ERC2: variants seen among roughly 807,000 people sequenced by gnomAD.
ERC2 encodes ERC protein 2.
A neutral mutation model predicts 114.8 loss-of-function variants in ERC2; 42 were observed. That is an observed-to-expected ratio of 0.37 (90% CI 0.29 to 0.47). ERC2 has a LOEUF of 0.47. ERC2 is among the 20% of genes least tolerant of loss of function. The pLI, the probability that ERC2 is intolerant of heterozygous loss-of-function variation, is 0.99. For missense variants in ERC2, 939 were observed against 1,150.7 expected, an observed-to-expected ratio of 0.82 and a Z score of 2.66; for synonymous variants, 454 against 425.5, an observed-to-expected ratio of 1.07 and a Z score of -0.82.
chr3:55,922,789 A>G (rs1017353557), intron 13 of ERC2, among the ~76,000 whole-genome samples: 4 of 152,170 alleles, frequency 2.6e-5, no homozygotes, highest in Non-Finnish European at 5.9e-5. Context: ...GCTCTCAAAA[A>G]AAGGAAACAC....
intron 12 of ERC2, among the ~76,000 whole-genome samples, chr3:55,979,916 C>T (rs1386923499): frequency 6.6e-6 from 1 of 151,168 alleles, no homozygotes. Flanking sequence ...GTACTCCAGT[C>T]TGGGAAACAG....
intron 7 of ERC2, among the ~76,000 whole-genome samples, chr3:56,067,230 T>C (rs2076525397): frequency 6.6e-6 from 1 of 152,214 alleles, no homozygotes; most frequent in Non-Finnish European, 1.5e-5. Flanking sequence ...TCTTATTTCC[T>C]TGAGCAGTGG....
chr3:56,044,562 T>C (rs1424621131), intron 7 of ERC2, among the ~76,000 whole-genome samples: 3 of 152,080 alleles, frequency 2.0e-5, no homozygotes, highest in African/African-American at 7.2e-5. Context: ...GGGGGGAAAA[T>C]TGTAGCACTT....
intron 5 of ERC2, among the ~76,000 whole-genome samples, chr3:56,146,007 C>G (rs1010615253): frequency 6.6e-6 from 1 of 152,132 alleles, no homozygotes; most frequent in Non-Finnish European, 1.5e-5. Flanking sequence ...TAGAATTGGG[C>G]TGGGTGTGGT....
At chr3:55,785,270 A>T (rs746856479) in intron 14 of ERC2, among the ~76,000 whole-genome samples, 1 of 152,218 alleles carries the variant, frequency 6.6e-6, no homozygotes, top group Admixed American at 6.5e-5. Context: ...TGAGACGGCA[A>T]ATATGGGTTT....
chr3:56,408,428 A>G (rs1308803289), intron 2 of ERC2, among the ~76,000 whole-genome samples: 1 of 152,130 alleles, frequency 6.6e-6, no homozygotes, highest in Admixed American at 6.5e-5. Flanking sequence ...GGAGATAGGC[A>G]TAATGTGGGA....
rs2316113 is a variant in ERC2 at position 55,870,228 on chromosome 3, C to T, written c.2564+18161G>A. On this transcript the variant is annotated intron_variant, in intron 14 of 17. Transcript: ENST00000288221. ...TAGCTGGGACCACAGACGCCCGTCA[C>T]CACGCCTGGCTAATTTTTAGATTTT... is the stretch of plus-strand genomic sequence containing the variant. Among the ~76,000 whole-genome samples, 695 of 152,218 alleles carry T rather than the reference C, an allele frequency of 4.6e-3. 5 individuals are homozygous for T. The highest frequency in any genetic ancestry group is 0.016 in the African/African-American group (669 of 41,540).
rs540483182 is a variant in ERC2, at chr3:56,085,992, G to A, written c.1474-5008C>T. The stretch of plus-strand genomic sequence containing the variant: ...AATATGGGAGGTAGTGAGTGGTGCT[G>A]GAGAGAGTTTAGAAAAAGACACTCT... On this transcript the variant is annotated intron_variant, in intron 6 of 17. Transcript: ENST00000288221. Among the ~76,000 whole-genome samples, 5 of 152,244 alleles carry A rather than the reference G, an allele frequency of 3.3e-5. No homozygotes were observed. In the East Asian group the frequency reaches 7.7e-4, roughly 24 times the overall value.
intron 3 of ERC2, among the ~76,000 whole-genome samples, chr3:56,226,399 A>C (rs1319953821): frequency 1.3e-5 from 2 of 152,150 alleles, no homozygotes; most frequent in African/African-American, 4.8e-5. Flanking sequence ...AGTTGTACAA[A>C]ATTAAAAGTG....
intron 13 of ERC2, among the ~76,000 whole-genome samples, chr3:55,909,943 AT>A (rs1226691175): frequency 1.3e-5 from 2 of 152,178 alleles, no homozygotes; most frequent in East Asian, 3.8e-4. Flanking sequence ...AGAAGGCCTC[AT>A]TTGTTTGAGG....
At chr3:56,316,852 C>T (rs547987248) in intron 2 of ERC2, among the ~76,000 whole-genome samples, 9 of 152,144 alleles carry the variant, frequency 5.9e-5, no homozygotes, top group Non-Finnish European at 1.3e-4. Flanking sequence ...ATCTATCAGC[C>T]ATTATGCTAC....
intron 2 of ERC2, among the ~76,000 whole-genome samples, chr3:56,377,959 T>C (rs889118171): frequency 3.3e-5 from 5 of 152,158 alleles, no homozygotes; most frequent in African/African-American, 9.7e-5. Flanking sequence ...AGATTTTGCA[T>C]GCATGTATGT....
chr3:55,601,225 T>C (rs1240121998), intron 17 of ERC2, among the ~76,000 whole-genome samples: 6 of 152,154 alleles, frequency 3.9e-5, no homozygotes, highest in Non-Finnish European at 8.8e-5. Context: ...GAATCGTATA[T>C]TATATTTTCC....
chr3:55,956,378 C>A lies in ERC2; in HGVS notation c.2268-5818G>T, dbSNP rs142883164. On this transcript the variant is annotated intron_variant, in intron 12 of 17. Coordinates refer to ENST00000288221, the MANE Select transcript of ERC2 (RefSeq NM_015576.3). ...GCCACACACACACGACAGAAGCTGA[C>A]AATGCACATTGCATGCAGAATTTCC... Among the ~76,000 whole-genome samples, 35 of 152,150 alleles carry A rather than the reference C, an allele frequency of 2.3e-4. No homozygotes were observed. The East Asian group carries it at 6.4e-3, about 28-fold the overall frequency.
At chr3:55,587,541 A>G (rs2057665291) in intron 17 of ERC2, among the ~76,000 whole-genome samples, 1 of 152,198 alleles carries the variant, frequency 6.6e-6, no homozygotes, top group Non-Finnish European at 1.5e-5. Context: ...AATGGCACAT[A>G]TCTTCTTGTG....
intron 2 of ERC2, among the ~76,000 whole-genome samples, chr3:56,306,693 A>G (rs953997061): frequency 4.6e-5 from 7 of 152,136 alleles, no homozygotes; most frequent in Non-Finnish European, 8.8e-5. Context: ...GTTCTTTTGT[A>G]CCTATCCAAC....
At chr3:55,606,093 G>A (rs1373863549) in intron 17 of ERC2, among the ~76,000 whole-genome samples, 5 of 152,220 alleles carry the variant, frequency 3.3e-5, no homozygotes, top group Non-Finnish European at 5.9e-5. Flanking sequence ...GTGAGGCTTC[G>A]GTTTCCATGT....
intron 3 of ERC2, among the ~76,000 whole-genome samples, chr3:56,225,833 C>G (rs942200698): frequency 6.6e-6 from 1 of 152,114 alleles, no homozygotes; most frequent in Non-Finnish European, 1.5e-5. Context: ...AGGATGTCAT[C>G]CTATTGATGC....
In ERC2 at chr3:56,039,341, C is replaced by T. The variant is rs907414933; in HGVS notation, c.1642-20310G>A. 5.9e-5 allele frequency among the ~76,000 whole-genome samples: 9 copies of T among 152,224 alleles called. No homozygotes were observed. The South Asian group carries it at 1.2e-3, about 21-fold the overall frequency. ...TTAACTTGCAAAAAATCAGTAGCAT[C>T]TCTATATACTAACAACAAACTATCT... On this transcript the variant is annotated intron_variant, in intron 7 of 17. Coordinates refer to ENST00000288221, the MANE Select transcript of ERC2 (RefSeq NM_015576.3).
Sources: allele counts gnomAD v4.1 joint callset (sites outside exome capture counted in the v4.1 genomes callset), GRCh38; gene constraint gnomAD v4.1.1; transcripts MANE v1.5; gene names NCBI Gene and HGNC (gene_info 2026-07-23, HGNC 2026-07-21).